SAMD5: variants seen among roughly 807,000 people sequenced by gnomAD.
The protein encoded by SAMD5 is sterile alpha motif domain-containing protein 5.
Under a neutral mutation model 11.3 loss-of-function variants are expected in SAMD5, and 13 were observed. That is an observed-to-expected ratio of 1.15 (90% CI 0.75 to 1.83). The LOEUF (loss-of-function observed/expected upper bound fraction) is 1.83. Ranked by LOEUF, SAMD5 falls within the 40% of genes most tolerant of loss-of-function variation. The pLI is 0.00. For synonymous variants in SAMD5, 129 were observed against 111.3 expected (o/e 1.16, Z -1.00); for missense variants, 255 against 239.1 (o/e 1.07, Z -0.44).
intron 1 of SAMD5, among the ~76,000 whole-genome samples, chr6:147,656,899 C>CGT (rs55906300): frequency 0.037 from 5,544 of 149,070 alleles, 193 homozygotes; most frequent in African/African-American, 0.097. Flanking sequence ...ATACAGTATA[C>CGT]GTGTGTGTGT....
At chr6:147,836,391 C>T in the SAMD5 span, among the ~76,000 whole-genome samples, 2 of 152,100 alleles carry the variant, frequency 1.3e-5, no homozygotes, top group Non-Finnish European at 2.9e-5. Flanking sequence ...CCTTGACTTG[C>T]GAAGGAGTTA....
the SAMD5 span, among the ~76,000 whole-genome samples, chr6:147,758,607 T>C: frequency 6.6e-6 from 1 of 152,236 alleles, no homozygotes; most frequent in African/African-American, 2.4e-5. Flanking sequence ...ACTGGCTTTC[T>C]AATCTTCTTT....
chr6:147,927,133 C>T, the SAMD5 span, among the ~76,000 whole-genome samples: 1 of 151,918 alleles, frequency 6.6e-6, no homozygotes, highest in East Asian at 1.9e-4. Context: ...TTTAATATTG[C>T]CTTGGTTATT....
chr6:147,609,616 C>A (rs1789752015), intron 1 of SAMD5, among the ~76,000 whole-genome samples: 1 of 152,140 alleles, frequency 6.6e-6, no homozygotes, highest in African/African-American at 2.4e-5. Flanking sequence ...CTGGTACAAT[C>A]TCGGCTCACT....
At chr6:147,925,765 A>G in the SAMD5 span, among the ~76,000 whole-genome samples, 1 of 150,498 alleles carries the variant, frequency 6.6e-6, no homozygotes, top group Non-Finnish European at 1.5e-5. Context: ...TTTGTTGTAC[A>G]AATTATTTCA....
At chr6:147,896,751 A>C in the SAMD5 span, among the ~76,000 whole-genome samples, 3 of 86,628 alleles carry the variant, frequency 3.5e-5, no homozygotes, top group African/African-American at 9.8e-5. Flanking sequence ...AAAAAAAAAA[A>C]AAAAAAAAAA....
the SAMD5 span, among the ~76,000 whole-genome samples, chr6:147,865,304 A>G: frequency 7.0e-6 from 1 of 143,682 alleles, no homozygotes; most frequent in African/African-American, 2.6e-5. Flanking sequence ...ATGTACATGT[A>G]GGTATATAAG....
chr6:147,701,730 G>T (rs1791256344), intron 1 of SAMD5, among the ~76,000 whole-genome samples: 1 of 151,776 alleles, frequency 6.6e-6, no homozygotes, highest in Non-Finnish European at 1.5e-5. Context: ...AGGAACACTT[G>T]CCACAATTGT....
intron 1 of SAMD5, among the ~76,000 whole-genome samples, chr6:147,647,097 G>A (rs1383405841): frequency 6.6e-6 from 1 of 151,932 alleles, no homozygotes; most frequent in Non-Finnish European, 1.5e-5. Flanking sequence ...AACCTGGGAG[G>A]TGGAGGTTGC....
At position 147,568,606 on chromosome 6, in the gene SAMD5, T is replaced by A. The variant is rs1034285688; in HGVS notation, c.*4150T>A. ...GAATTTTTTATATCAGCTGACATCT[T>A]GTGCTTACAGTAAAGCCATATAGAT... On this transcript the variant is annotated 3_prime_UTR_variant, in exon 2 of 2. Coordinates refer to ENST00000367474, the MANE Select transcript of SAMD5 (RefSeq NM_001030060.3). 2.0e-6 allele frequency: 2 copies of A among 985,244 alleles called. No individual in the cohort carries two copies. The highest frequency in any genetic ancestry group is 3.5e-5 in the African/African-American group (2 of 57,250). The allele number at this position is 985,244 out of a possible 1,614,324, so 61.0% of individuals were successfully genotyped here.
At chr6:147,845,762 A>G in the SAMD5 span, among the ~76,000 whole-genome samples, 1 of 152,186 alleles carries the variant, frequency 6.6e-6, no homozygotes, top group African/African-American at 2.4e-5. Context: ...AAACCGGATT[A>G]CTCATACATT....
the SAMD5 span, among the ~76,000 whole-genome samples, chr6:147,765,386 A>C: frequency 2.0e-5 from 3 of 152,220 alleles, no homozygotes; most frequent in Admixed American, 1.3e-4. Context: ...ATTTGGGAAT[A>C]AAACATCTTA....
At position 147,565,321 on chromosome 6, in the gene SAMD5, G is replaced by A. The variant is rs1353355880; in HGVS notation, c.*865G>A. On this transcript the variant is annotated 3_prime_UTR_variant, in exon 2 of 2. Transcript: ENST00000367474. ...ACTTCAGGCCTGTGGGGGCCGGGAG[G>A]TGGGCAGCGGCAGTGGCCTGAGGAG... 2 of 985,838 alleles carry A rather than the reference G, an allele frequency of 2.0e-6. No individual in the cohort carries two copies. Among genetic ancestry groups the A allele is most frequent in the Non-Finnish European group, 2.4e-6 (2 of 829,988 alleles). The allele number at this position is 985,838 out of a possible 1,614,324, so 61.1% of individuals were successfully genotyped here.
At chr6:147,750,292 TA>T in the SAMD5 span, among the ~76,000 whole-genome samples, 4 of 152,246 alleles carry the variant, frequency 2.6e-5, no homozygotes, top group Non-Finnish European at 4.4e-5. Context: ...TGCATCTTTT[TA>T]GATGAATGCA....
At chr6:147,830,349 C>T in the SAMD5 span, among the ~76,000 whole-genome samples, 16 of 148,678 alleles carry the variant, frequency 1.1e-4, no homozygotes, top group South Asian at 4.3e-4. Context: ...CTCCACTTCC[C>T]GGGTTCAAGC....
intron 1 of SAMD5, among the ~76,000 whole-genome samples, chr6:147,682,421 T>C (rs1790953168): frequency 6.6e-6 from 1 of 152,162 alleles, no homozygotes; most frequent in Non-Finnish European, 1.5e-5. Context: ...TTTTGATTGG[T>C]CCACAGTTGG....
At chr6:147,927,839 C>G in the SAMD5 span, among the ~76,000 whole-genome samples, 10 of 152,116 alleles carry the variant, frequency 6.6e-5, no homozygotes, top group African/African-American at 2.4e-4. Flanking sequence ...AGGTATGTTC[C>G]TTCAATATCT....
the SAMD5 span, among the ~76,000 whole-genome samples, chr6:147,892,975 G>A: frequency 6.6e-6 from 1 of 152,158 alleles, no homozygotes; most frequent in African/African-American, 2.4e-5. Flanking sequence ...CACTTTTGAA[G>A]GCTGAGGTGG....
the SAMD5 span, among the ~76,000 whole-genome samples, chr6:147,792,097 C>T: frequency 0.082 from 12,389 of 152,004 alleles, 778 homozygotes; most frequent in African/African-American, 0.17. Context: ...GGGGGAATCT[C>T]AGGGTGGAAT....
Sources: gnomAD v4.1 joint callset for allele counts (sites outside exome capture counted in the v4.1 genomes callset) on GRCh38, gnomAD v4.1.1 for gene constraint, MANE v1.5 for transcripts, NCBI Gene and HGNC (gene_info 2026-07-23, HGNC 2026-07-21) for gene names.